ATXN10: variants seen among roughly 807,000 people sequenced by gnomAD.
ATXN10 encodes the protein ataxin 10.
Under a neutral mutation model 52.9 loss-of-function variants are expected in ATXN10, and 28 were observed. The observed-to-expected ratio is 0.53, with a 90% confidence interval of 0.39 to 0.73. ATXN10 has a LOEUF of 0.73. Ranked by LOEUF, ATXN10 falls within the 30% of genes least tolerant of loss-of-function variation. The probability of loss-of-function intolerance (pLI) is 0.00; values close to 1 mark genes in which losing one functional copy is unlikely to be tolerated. For missense variants in ATXN10, 565 were observed against 577.0 expected, an observed-to-expected ratio of 0.98 and a Z score of 0.21; for synonymous variants, 226 against 221.5, an observed-to-expected ratio of 1.02 and a Z score of -0.18.
intron 9 of ATXN10, among the ~76,000 whole-genome samples, chr22:45,768,936 G>A (rs1926680999): frequency 6.6e-6 from 1 of 152,098 alleles, no homozygotes; most frequent in Non-Finnish European, 1.5e-5. Flanking sequence ...TTTTGTTAAG[G>A]TGCTGTCTGT....
intron 9 of ATXN10, among the ~76,000 whole-genome samples, chr22:45,745,770 A>G (rs1187906891): frequency 2.0e-5 from 3 of 152,206 alleles, no homozygotes; most frequent in Non-Finnish European, 2.9e-5. Flanking sequence ...TTGAATGACA[A>G]TTTATTTGTA....
rs77114534 is a variant in ATXN10, at chr22:45,705,926, C to T, written c.647+3079C>T. 0.029 allele frequency among the ~76,000 whole-genome samples: 4,366 copies of T among 152,262 alleles called. 103 individuals are homozygous for T. Among genetic ancestry groups the T allele is most frequent in the Non-Finnish European group, 0.042 (2,836 of 68,018 alleles). On this transcript the variant is annotated intron_variant, in intron 5 of 11. Transcript: ENST00000252934. This position sits in a 1 kb window ranked among gnomAD's most constrained non-coding sequence, Gnocchi z 5.2. ...GATAAGCAGCAGGCAAGCAAGCATT[C>T]CTGCCTGAGCGCCACTTCTTGTCAG...
At chr22:45,794,019 G>A (rs1218554042) in intron 9 of ATXN10, among the ~76,000 whole-genome samples, 1 of 152,228 alleles carries the variant, frequency 6.6e-6, no homozygotes, top group African/African-American at 2.4e-5. Context: ...GAATTAAGGG[G>A]CAGTTTATGC....
intron 1 of ATXN10, among the ~76,000 whole-genome samples, chr22:45,686,565 A>ATT (rs1346374122): frequency 6.6e-6 from 1 of 152,040 alleles, no homozygotes; most frequent in Non-Finnish European, 1.5e-5. Context: ...CACGCATGTA[A>ATT]TCCCAACACT....
intron 9 of ATXN10, among the ~76,000 whole-genome samples, chr22:45,751,428 G>GAA (rs72172791): frequency 3.5e-5 from 1 of 28,814 alleles, no homozygotes; most frequent in Non-Finnish European, 1.1e-4. Context: ...GTGTGTTTTT[G>GAA]AGAGAGAGAG....
rs184973432 is a variant in ATXN10 at position 45,727,540 on chromosome 22, T to C, written c.729-1885T>C. On this transcript the variant is annotated intron_variant, in intron 6 of 11. Coordinates refer to ENST00000252934, the MANE Select transcript of ATXN10 (RefSeq NM_013236.4). The surrounding 1 kb of genome is among the most constrained non-coding windows in gnomAD (Gnocchi z 4.6). ...GGCTGGCTAGTTGTTTTTGTATTTT[T>C]AGTAGAGATGGGGTTTCACCATGTT... Among the ~76,000 whole-genome samples, 3 of 152,242 alleles carry C rather than the reference T, an allele frequency of 2.0e-5. No homozygotes were observed. In the East Asian group the frequency reaches 5.8e-4, roughly 29 times the overall value.
At chr22:45,829,706 A>T (rs887061218) in intron 10 of ATXN10, among the ~76,000 whole-genome samples, 11 of 152,160 alleles carry the variant, frequency 7.2e-5, no homozygotes, top group Non-Finnish European at 1.6e-4. Flanking sequence ...AAACTATAAA[A>T]CATTGCTGAA....
chr22:45,771,503 G>A (rs1424081068), intron 9 of ATXN10, among the ~76,000 whole-genome samples: 1 of 147,464 alleles, frequency 6.8e-6, no homozygotes. Flanking sequence ...TACAACCTCT[G>A]CCTCCCGGGT....
intron 10 of ATXN10, among the ~76,000 whole-genome samples, chr22:45,807,645 A>G (rs1397760483): frequency 6.6e-6 from 1 of 152,184 alleles, no homozygotes; most frequent in Non-Finnish European, 1.5e-5. Context: ...TACCAGTTCA[A>G]CTAGTTGTAC....
At position 45,728,534 on chromosome 22, in the gene ATXN10, A is replaced by G. The variant is rs1924964947; in HGVS notation, c.729-891A>G. Among the ~76,000 whole-genome samples the G allele has an allele frequency of 1.3e-5, 2 of 152,154 alleles. No individual in the cohort carries two copies. Among genetic ancestry groups the G allele is most frequent in the Admixed American group, 1.3e-4 (2 of 15,270 alleles). ...AAATAATTTAAATTTTTTTCTTGGT[A>G]AGAAATGTTCCATGCCTAATTTGAG... On this transcript the variant is annotated intron_variant, in intron 6 of 11. Coordinates refer to ENST00000252934, the MANE Select transcript of ATXN10 (RefSeq NM_013236.4). The surrounding 1 kb of genome is among the most constrained non-coding windows in gnomAD (Gnocchi z 4.3).
intron 9 of ATXN10, among the ~76,000 whole-genome samples, chr22:45,758,522 C>T (rs1038695157): frequency 2.0e-5 from 3 of 152,218 alleles, no homozygotes; most frequent in African/African-American, 2.4e-5. Flanking sequence ...GCATATCACA[C>T]GTAATTCAAG....
At chr22:45,777,634 G>T (rs1159053430) in intron 9 of ATXN10, among the ~76,000 whole-genome samples, 1 of 152,188 alleles carries the variant, frequency 6.6e-6, no homozygotes, top group Admixed American at 6.5e-5. Flanking sequence ...CTTCCAGATG[G>T]AGTCTTTGCA....
At chr22:45,792,894 G>A (rs1927565479) in intron 9 of ATXN10, 1 of 483,348 alleles carries the variant, frequency 2.1e-6, no homozygotes, top group Non-Finnish European at 4.2e-6. Context: ...TTCTAAACTT[G>A]CATTGGCTGT....
At chr22:45,794,283 G>A (rs1927629587) in intron 9 of ATXN10, among the ~76,000 whole-genome samples, 1 of 151,888 alleles carries the variant, frequency 6.6e-6, no homozygotes, top group African/African-American at 2.4e-5. Flanking sequence ...AAAAAGGACA[G>A]TTGTATCCAA....
In ATXN10 at chr22:45,843,252, C is replaced by T; in HGVS notation, c.1425+74C>T. 1 of 1,482,878 alleles carries T rather than the reference C, an allele frequency of 6.7e-7. No homozygotes were observed. Among genetic ancestry groups the T allele is most frequent in the East Asian group, 2.3e-5 (1 of 44,160 alleles). The allele number at this position is 1,482,878 out of a possible 1,614,324, so 91.9% of individuals were successfully genotyped here. A position where few individuals can be genotyped will look rare whatever the true frequency, so the allele number is the denominator to read the frequency against. On this transcript the variant is annotated intron_variant, in intron 11 of 11. Transcript: ENST00000252934. This position sits in a 1 kb window ranked among gnomAD's most constrained non-coding sequence, Gnocchi z 4.5. ...GTTTCCACTTCCCCATTGCTTCAAG[C>T]ACGAGGCTCTTTGTAAGAATATGGA...
Position 45,818,825 on chromosome 22 carries a change from G to C in ATXN10, c.1237+11803G>C, listed in dbSNP as rs1268038719. Reference sequence around the variant, plus strand: ...TTTATTTGAAAACAGAAACAAAACTGTATGTGGACACTGATTGCCTGTTCC... The same window carrying C: ...TTTATTTGAAAACAGAAACAAAACTCTATGTGGACACTGATTGCCTGTTCC... On this transcript the variant is annotated intron_variant, in intron 10 of 11. Coordinates refer to ENST00000252934, the MANE Select transcript of ATXN10 (RefSeq NM_013236.4). The surrounding 1 kb of genome is among the most constrained non-coding windows in gnomAD (Gnocchi z 4.6). 6.6e-6 allele frequency among the ~76,000 whole-genome samples: 1 copy of C among 152,154 alleles called. No homozygotes were observed. The highest frequency in any genetic ancestry group is 1.5e-5 in the Non-Finnish European group (1 of 68,024).
chr22:45,815,077 T>G (rs985441969), intron 10 of ATXN10, among the ~76,000 whole-genome samples: 3 of 152,098 alleles, frequency 2.0e-5, no homozygotes, highest in African/African-American at 7.2e-5. Context: ...AGCCCCAAAG[T>G]AGAAATAACC....
In ATXN10 at chr22:45,843,857, C is replaced by A. The variant is rs1447684848; in HGVS notation, c.*186C>A. 3.1e-6 allele frequency: 2 copies of A among 635,048 alleles called. No homozygotes were observed. Among genetic ancestry groups the A allele is most frequent in the African/African-American group, 1.8e-5 (1 of 54,586 alleles). The allele number at this position is 635,048 out of a possible 1,614,324, so 39.3% of individuals were successfully genotyped here. On this transcript the variant is annotated 3_prime_UTR_variant, in exon 12 of 12. Transcript: ENST00000252934. The surrounding 1 kb of genome is among the most constrained non-coding windows in gnomAD (Gnocchi z 4.5). ...AAAGTAACTGAGTGTTCTCTTGTTT[C>A]TTTGCATTAATGTAACTGTGTGGTT...
intron 10 of ATXN10, among the ~76,000 whole-genome samples, chr22:45,812,842 A>G (rs912213865): frequency 3.3e-5 from 5 of 152,200 alleles, no homozygotes; most frequent in Admixed American, 2.6e-4. Flanking sequence ...AGGACTGTAT[A>G]GAACATTCCA....
Sources: allele counts gnomAD v4.1 joint callset (sites outside exome capture counted in the v4.1 genomes callset), GRCh38; gene constraint gnomAD v4.1.1; non-coding constraint Gnocchi (gnomAD v3.1); transcripts MANE v1.5; gene names NCBI Gene and HGNC (gene_info 2026-07-23, HGNC 2026-07-21).